The following THSD4 variants were observed in gnomAD, a reference collection of about 807,000 sequenced individuals.
THSD4 encodes thrombospondin type 1 domain containing 4, also known as thrombospondin type-1 domain-containing protein 4.
In THSD4, 69 loss-of-function variants were observed where a neutral mutation model predicts 119.0. The ratio of observed to expected loss-of-function variants is 0.58; its 90% CI spans 0.48 to 0.71. The LOEUF (loss-of-function observed/expected upper bound fraction) is 0.71. THSD4 is among the 30% of genes least tolerant of loss of function. The pLI is 0.00. For synonymous variants in THSD4, 524 were observed against 540.4 expected (o/e 0.97, Z 0.42); for missense variants, 1,393 against 1,391.1 (o/e 1.00, Z -0.02).
chr15:71,356,665 TAAGC>T (rs2140413855), intron 6 of THSD4, among the ~76,000 whole-genome samples: 1 of 152,108 alleles, frequency 6.6e-6, no homozygotes, highest in African/African-American at 2.4e-5. Flanking sequence ...ACTGTTTTAT[TAAGC>T]AAGCTGGGGC....
chr15:71,720,020 T>A (rs1401698408), intron 8 of THSD4, among the ~76,000 whole-genome samples: 1 of 126,706 alleles, frequency 7.9e-6, no homozygotes, highest in African/African-American at 3.0e-5. Context: ...TAATAACATG[T>A]GCTTTTTTTT....
intron 4 of THSD4, among the ~76,000 whole-genome samples, chr15:71,234,100 A>G (rs1049897331): frequency 6.6e-6 from 1 of 152,166 alleles, no homozygotes; most frequent in Admixed American, 6.5e-5. Flanking sequence ...TGGAACCACA[A>G]AGGGGTGATC....
rs201910739 is a variant in THSD4, at chr15:71,777,342, A to G, written c.3025A>G (p.Asn1009Asp). Reference protein sequence around the residue: ...ACCASCTRVANRQTGFLGSR With the variant: ...ACCASCTRVADRQTGFLGSR The stretch of plus-strand genomic sequence containing the variant: ...CTGTGCCTCCTGCACCCGTGTGGCC[A>G]ACAGGCAGACGGGCTTCCTGGGGAG... Residue 1009 changes from asparagine to aspartate, a missense_variant, in exon 18 of 18, where the codon AAC becomes GAC. Asn to Asp is a conservative substitution (Grantham distance 23, BLOSUM62 1). Coordinates refer to ENST00000261862, the MANE Select transcript of THSD4 (RefSeq NM_024817.3). 8.1e-5 allele frequency: 131 copies of G among 1,614,060 alleles called. No homozygotes were observed. In the Middle Eastern group the frequency reaches 2.1e-3, roughly 26 times the overall value.
At chr15:71,240,653 A>G (rs1016019987) in intron 4 of THSD4, among the ~76,000 whole-genome samples, 7 of 152,136 alleles carry the variant, frequency 4.6e-5, no homozygotes, top group African/African-American at 1.7e-4. Flanking sequence ...TTGAGGCTAA[A>G]ATTTTTTGGT....
At chr15:71,474,505 G>A (rs2140648705) in intron 7 of THSD4, among the ~76,000 whole-genome samples, 1 of 152,300 alleles carries the variant, frequency 6.6e-6, no homozygotes, top group South Asian at 2.1e-4. Context: ...ACAGGCTTAA[G>A]CCACCGCGCC....
chr15:71,193,524 C>T (rs540283307), intron 3 of THSD4, among the ~76,000 whole-genome samples: 1 of 152,136 alleles, frequency 6.6e-6, no homozygotes, highest in Admixed American at 6.5e-5. Flanking sequence ...ACCTTGGTTA[C>T]CTAAAGGAAG....
intron 7 of THSD4, among the ~76,000 whole-genome samples, chr15:71,560,280 A>G (rs1450731386): frequency 2.0e-5 from 3 of 152,354 alleles, no homozygotes; most frequent in African/African-American, 7.2e-5. Flanking sequence ...TCATATTCCT[A>G]CATTGCACCA....
In THSD4 at chr15:71,762,151, A is replaced by G. The variant is rs538246130; in HGVS notation, c.2590-2869A>G. 1.4e-4 allele frequency among the ~76,000 whole-genome samples: 8 copies of G among 58,796 alleles called. No homozygotes were observed. In the South Asian group the frequency reaches 2.5e-3, roughly 18 times the overall value. The allele number at this position is 58,796 out of a possible 152,430, so 38.6% of individuals were successfully genotyped here. ...AATGCTGTCTCATGCGCGTGTGCAA[A>G]CACACACACACACACACACACACAC... On this transcript the variant is annotated intron_variant, in intron 15 of 17. Transcript: ENST00000261862.
At chr15:71,099,057 C>T (rs1016250909) in intron 1 of THSD4, among the ~76,000 whole-genome samples, 2 of 152,180 alleles carry the variant, frequency 1.3e-5, no homozygotes, top group Admixed American at 1.3e-4. Context: ...TCACCAAGGT[C>T]TCACAGCGAC....
chr15:71,134,406 A>G (rs2040530804), intron 1 of THSD4, among the ~76,000 whole-genome samples: 1 of 152,224 alleles, frequency 6.6e-6, no homozygotes. Context: ...GCAGTGGCTT[A>G]GCGCCTTCAG....
At chr15:71,538,989 C>T (rs77037058) in intron 7 of THSD4, among the ~76,000 whole-genome samples, 112 of 152,324 alleles carry the variant, frequency 7.4e-4, no homozygotes, top group African/African-American at 2.5e-3. Flanking sequence ...AGGTGCTCAG[C>T]CTAACTGCAT....
chr15:71,612,211 G>T (rs754536359), intron 7 of THSD4, among the ~76,000 whole-genome samples: 5 of 152,156 alleles, frequency 3.3e-5, no homozygotes, highest in Non-Finnish European at 7.4e-5. Flanking sequence ...TGACATCTTT[G>T]TGCTTTTGTC....
At chr15:71,259,438 G>T (rs973656418) in intron 6 of THSD4, among the ~76,000 whole-genome samples, 1 of 152,076 alleles carries the variant, frequency 6.6e-6, no homozygotes. Context: ...AAGGAACAAG[G>T]TTCTGGATTG....
At chr15:71,606,460 G>C (rs781294933) in intron 7 of THSD4, among the ~76,000 whole-genome samples, 1 of 152,172 alleles carries the variant, frequency 6.6e-6, no homozygotes, top group African/African-American at 2.4e-5. Context: ...ACAAACTCCA[G>C]CAAGGAGGCA....
chr15:71,535,414 G>C (rs1281510439), intron 7 of THSD4, among the ~76,000 whole-genome samples: 2 of 152,090 alleles, frequency 1.3e-5, no homozygotes, highest in African/African-American at 4.8e-5. Flanking sequence ...TCCATTTCGG[G>C]GGTTGGGCTA....
Position 71,666,615 on chromosome 15 carries a change from G to A in THSD4, c.1357+5881G>A, listed in dbSNP as rs944467109. Among the ~76,000 whole-genome samples, 14 of 152,216 alleles carry A rather than the reference G, an allele frequency of 9.2e-5. No homozygotes were observed. In the South Asian group the frequency reaches 1.9e-3, roughly 20 times the overall value. The stretch of plus-strand genomic sequence containing the variant: ...ACTTTGCTTATTCCAAAAAGCTTTA[G>A]ACGTACTAAAACTTACTATTAATAC... On this transcript the variant is annotated intron_variant, in intron 8 of 17. Transcript: ENST00000261862.
intron 7 of THSD4, among the ~76,000 whole-genome samples, chr15:71,566,771 T>C (rs1044181133): frequency 7.4e-6 from 1 of 135,444 alleles, no homozygotes; most frequent in African/African-American, 2.7e-5. Context: ...CCCCCTGCCA[T>C]TCCCACTTGG....
chr15:71,108,416 A>G (rs986034462), intron 1 of THSD4, among the ~76,000 whole-genome samples: 3 of 152,212 alleles, frequency 2.0e-5, no homozygotes, highest in African/African-American at 7.2e-5. Flanking sequence ...TAATAACCTG[A>G]TTAGATTAAA....
intron 6 of THSD4, among the ~76,000 whole-genome samples, chr15:71,296,281 T>G (rs1195898557): frequency 1.3e-5 from 2 of 152,218 alleles, no homozygotes; most frequent in Non-Finnish European, 2.9e-5. Flanking sequence ...CAACAATAGA[T>G]AAGGGTTACC....
Sources: allele counts gnomAD v4.1 joint callset (sites outside exome capture counted in the v4.1 genomes callset), GRCh38; gene constraint gnomAD v4.1.1; transcripts MANE v1.5; gene names NCBI Gene and HGNC (gene_info 2026-07-23, HGNC 2026-07-21).